Variants in RWDD3 observed in about 807,000 individuals in gnomAD.
RWDD3 encodes RWD domain containing 3, also known as RWD domain-containing protein 3.
Under a neutral mutation model 26.5 loss-of-function variants are expected in RWDD3, and 30 were observed. The ratio of observed to expected loss-of-function variants is 1.13; its 90% confidence interval spans 0.85 to 1.54. The LOEUF (loss-of-function observed/expected upper bound fraction) is 1.54, where lower values mean the gene tolerates loss of function less well. Ranked by LOEUF, RWDD3 falls within the 40% of genes most tolerant of loss-of-function variation. The probability of loss-of-function intolerance (pLI) is 0.00; values close to 1 mark genes in which losing one functional copy is unlikely to be tolerated. For missense variants in RWDD3, 296 were observed against 309.1 expected (o/e 0.96, Z 0.32); for synonymous variants, 113 against 114.5 (o/e 0.99, Z 0.09).
At chr1:95,234,644 T>A (rs77452279) in intron 1 of RWDD3, among the ~76,000 whole-genome samples, 4,276 of 127,742 alleles carry the variant, frequency 0.033, 231 homozygotes, top group African/African-American at 0.12. Context: ...TAAAGAAGCC[T>A]GTGCTGACGC....
intron 1 of RWDD3, among the ~76,000 whole-genome samples, chr1:95,235,058 A>AT (rs139083534): frequency 0.3 from 44,985 of 148,306 alleles, 7,093 homozygotes; most frequent in East Asian, 0.46. Flanking sequence ...TTTATTTTTT[A>AT]TTTTTTAAGA....
intron 1 of RWDD3, among the ~76,000 whole-genome samples, chr1:95,235,420 G>A (rs1463072014): frequency 7.9e-6 from 1 of 126,746 alleles, no homozygotes; most frequent in African/African-American, 3.0e-5. Flanking sequence ...GTGCAGTGGC[G>A]CGATCTCGGC....
At chr1:95,235,564 T>C (rs1680300838) in intron 1 of RWDD3, among the ~76,000 whole-genome samples, 1 of 151,568 alleles carries the variant, frequency 6.6e-6, no homozygotes, top group Non-Finnish European at 1.5e-5. Flanking sequence ...TTCACCATGT[T>C]GGCCAGGCTG....
At chr1:95,238,378 A>G (rs1680455433) in intron 1 of RWDD3, among the ~76,000 whole-genome samples, 1 of 150,538 alleles carries the variant, frequency 6.6e-6, no homozygotes, top group South Asian at 2.1e-4. Flanking sequence ...CTTCTATAAA[A>G]CCGATGAGAT....
At chr1:95,244,102 G>A (rs1367022917) in intron 1 of RWDD3, 109 bp from the exon 2 acceptor site, 9 of 1,490,652 alleles carry the variant, frequency 6.0e-6, no homozygotes, top group Non-Finnish European at 7.2e-6. Flanking sequence ...ATAGCTCAGA[G>A]TTTTCTCATG....
chr1:95,235,636 G>A (rs1680308306), intron 1 of RWDD3, among the ~76,000 whole-genome samples: 1 of 152,074 alleles, frequency 6.6e-6, no homozygotes, highest in Non-Finnish European at 1.5e-5. Context: ...GGGATTACAG[G>A]CGTGAGCCAC....
intron 1 of RWDD3, among the ~76,000 whole-genome samples, chr1:95,238,129 G>C (rs948177429): frequency 2.6e-5 from 4 of 152,212 alleles, no homozygotes; most frequent in South Asian, 2.1e-4. Context: ...GTCAATGTTC[G>C]TTATATGTGG....
At chr1:95,242,439 C>A (rs1571846970) in intron 1 of RWDD3, among the ~76,000 whole-genome samples, 1 of 152,154 alleles carries the variant, frequency 6.6e-6, no homozygotes, top group Admixed American at 6.5e-5. Context: ...GATTGAAGAT[C>A]TTTAAAAGTT....
chr1:95,246,554 C>A lies in RWDD3; in HGVS notation c.586C>A (p.Leu196Ile). 1 of 1,598,514 alleles carries A rather than the reference C, an allele frequency of 6.3e-7. No individual in the cohort carries two copies. The highest frequency in any genetic ancestry group is 8.6e-7 in the Non-Finnish European group (1 of 1,167,140). Residue 196 changes from leucine to isoleucine, a missense_variant, in exon 3 of 4, where the codon CTT (leucine) becomes ATT (isoleucine). Transcript: ENST00000370202. Reference protein sequence around the residue: ...DRNNLKEYLILQKTSKVDVDS... With the variant: ...DRNNLKEYLIIQKTSKVDVDS... ...ATTTATTATTTAGGAGTACTTGATTCTTCAGAAAACCTCCAAAGTAGATGT... is the reference window on the plus strand; with the variant it reads ...ATTTATTATTTAGGAGTACTTGATTATTCAGAAAACCTCCAAAGTAGATGT...
In RWDD3 at chr1:95,246,465, G is replaced by A. The variant is rs1680854430; in HGVS notation, c.574-77G>A. On this transcript the variant is annotated intron_variant, in intron 2 of 3. Coordinates refer to ENST00000370202, the MANE Select transcript of RWDD3 (RefSeq NM_015485.5). ...ATTTAAGCATGAAAATAAGCCTACAGGTTTATAGCTCCTTTAAAACTGGGA... is the reference window on the plus strand; with the variant it reads ...ATTTAAGCATGAAAATAAGCCTACAAGTTTATAGCTCCTTTAAAACTGGGA... 4 of 780,818 alleles carry A rather than the reference G, an allele frequency of 5.1e-6. No homozygotes were observed. In the East Asian group the frequency reaches 1.0e-4, roughly 20 times the overall value. The allele number at this position is 780,818 out of a possible 1,614,324, so 48.4% of individuals were successfully genotyped here.
chr1:95,246,723 G>C (rs751580311), intron 3 of RWDD3, 33 bp from the exon 4 acceptor site: 1 of 1,530,400 alleles, frequency 6.5e-7, no homozygotes, highest in Non-Finnish European at 8.9e-7. Flanking sequence ...GACAAATCTA[G>C]GCATATTCAT....
chr1:95,239,015 A>G (rs903516594), intron 1 of RWDD3, among the ~76,000 whole-genome samples: 1 of 152,202 alleles, frequency 6.6e-6, no homozygotes, highest in African/African-American at 2.4e-5. Context: ...CAAGTAGTCA[A>G]TTTGTATCAA....
Position 95,244,292 on chromosome 1 carries a change from A to G in RWDD3, c.167A>G (p.His56Arg). ...GATATACCTCTGGAATTGGTGTTCC[A>G]TTTGCCAGTCAATTATCCTTCATGT... Reference protein sequence around the residue: ...DVDIPLELVFHLPVNYPSCLP... With the variant: ...DVDIPLELVFRLPVNYPSCLP... The change falls in exon 2 of 4, where the codon CAT becomes CGT. Residue 56 changes from histidine (H) to arginine (R), a missense_variant. Physicochemically the swap from His to Arg is conservative, Grantham distance 29 (BLOSUM62 0). Coordinates refer to ENST00000370202, the MANE Select transcript of RWDD3 (RefSeq NM_015485.5). 6.2e-7 allele frequency: 1 copy of G among 1,614,216 alleles called. No individual in the cohort carries two copies. The highest frequency in any genetic ancestry group is 8.5e-7 in the Non-Finnish European group (1 of 1,180,042).
chr1:95,244,825 T>C (rs2296309), intron 2 of RWDD3, 127 bp downstream of exon 2: 144,069 of 1,042,324 alleles, frequency 0.14, 9,776 homozygotes, highest in Admixed American at 0.17. Flanking sequence ...ATTATTACAA[T>C]CTTAATGGAT....
chr1:95,247,000 A>G lies in RWDD3; in HGVS notation c.*130A>G. 1 of 487,354 alleles carries G rather than the reference A, an allele frequency of 2.1e-6. No homozygotes were observed. The highest frequency in any genetic ancestry group is 3.6e-6 in the Non-Finnish European group (1 of 276,096). The allele number at this position is 487,354 out of a possible 1,614,324, so 30.2% of individuals were successfully genotyped here. A position where few individuals can be genotyped will look rare whatever the true frequency, so the allele number is the denominator to read the frequency against. ...AAGCAAAATGATAGGCATCATTCTA[A>G]CTTCAGGAACAAAAGCCAGTTCTGT... On this transcript the variant is annotated 3_prime_UTR_variant, in exon 4 of 4. Transcript: ENST00000370202.
Position 95,234,243 on chromosome 1 carries a change from G to C in RWDD3, c.13G>C (p.Val5Leu), listed in dbSNP as rs1394716521. ...GGGGCCCACAGCCATGGCGGAGCCTGTGCAGGAGGAGCTCTCGGTCCTGGC... is the reference window on the plus strand; with the variant it reads ...GGGGCCCACAGCCATGGCGGAGCCTCTGCAGGAGGAGCTCTCGGTCCTGGC... MAEP[V>L]QEELSVLAAI... Residue 5 changes from valine (V) to leucine (L), a missense_variant, in exon 1 of 4, where the codon GTG (valine) becomes CTG (leucine). Val to Leu is a conservative substitution (Grantham distance 32). Coordinates refer to ENST00000370202, the MANE Select transcript of RWDD3 (RefSeq NM_015485.5). 1 of 1,592,714 alleles carries C rather than the reference G, an allele frequency of 6.3e-7. No homozygotes were observed. Among genetic ancestry groups the C allele is most frequent in the African/African-American group, 1.3e-5 (1 of 74,728 alleles).
At position 95,246,829 on chromosome 1, in the gene RWDD3, A is replaced by T; in HGVS notation, c.763A>T (p.Lys255Ter). ...LQKEFETAGL[K>*]KLFSEFVLAL... is the part of the protein sequence containing the mutation. ...AAAGGAATTTGAAACTGCAGGACTT[A>T]AGAAGCTTTTCTCCGAATTTGTACT... The change falls in exon 4 of 4, where the codon AAG becomes TAG. Residue 255 changes from lysine to a stop codon, truncating the protein, a stop_gained. Coordinates refer to ENST00000370202, the MANE Select transcript of RWDD3 (RefSeq NM_015485.5). LOFTEE classifies it high-confidence loss of function. 4 of 1,556,788 alleles carry T rather than the reference A, an allele frequency of 2.6e-6. No homozygotes were observed. Among genetic ancestry groups the T allele is most frequent in the Non-Finnish European group, 3.5e-6 (4 of 1,156,670 alleles).
chr1:95,241,624 A>G (rs967246363), intron 1 of RWDD3, among the ~76,000 whole-genome samples: 1 of 152,242 alleles, frequency 6.6e-6, no homozygotes, highest in African/African-American at 2.4e-5. Context: ...CTTTGCTCAG[A>G]AGGCATTCAG....
At chr1:95,236,803 C>A (rs945487062) in intron 1 of RWDD3, among the ~76,000 whole-genome samples, 6 of 152,144 alleles carry the variant, frequency 3.9e-5, no homozygotes, top group African/African-American at 1.4e-4. Flanking sequence ...AATGAACCTG[C>A]AATTTCCCAT....
Sources: gnomAD v4.1 joint callset for allele counts (sites outside exome capture counted in the v4.1 genomes callset) on GRCh38, gnomAD v4.1.1 for gene constraint, MANE v1.5 for transcripts, NCBI Gene and HGNC (gene_info 2026-07-23, HGNC 2026-07-21) for gene names.